SUN2: variants seen among roughly 807,000 people sequenced by gnomAD.
SUN2 encodes the protein Sad1 and UNC84 domain containing 2, also known as SUN domain-containing protein 2.
A neutral mutation model predicts 100.0 loss-of-function variants in SUN2; 60 were observed. The ratio of observed to expected loss-of-function variants is 0.60; its 90% CI spans 0.49 to 0.74. The LOEUF (loss-of-function observed/expected upper bound fraction) is 0.74, where lower values mean the gene tolerates loss of function less well. Ranked by LOEUF, SUN2 falls within the 30% of genes least tolerant of loss-of-function variation. The pLI, the probability that SUN2 is intolerant of heterozygous loss-of-function variation, is 0.00. For missense variants in SUN2, 834 were observed against 954.6 expected (o/e 0.87, Z 1.66); for synonymous variants, 367 against 403.3 (o/e 0.91, Z 1.08).
chr22:38,742,540 T>C lies in SUN2; in HGVS notation c.829A>G (p.Met277Val), dbSNP rs750687695. 3 of 1,611,698 alleles carry C rather than the reference T, an allele frequency of 1.9e-6. No homozygotes were observed. The highest frequency in any genetic ancestry group is 2.7e-5 in the African/African-American group (2 of 74,890). Residue 277 changes from methionine to valine, a missense_variant, in exon 9 of 18, where the codon ATG (methionine) becomes GTG (valine). Transcript: ENST00000689035. ...SPHFQAEQRV[M>V]SRVHSLERRL... ...CGCTCCAGAGAGTGTACCCGGGACATAACACGCTGCTCAGCCTGGAAGGGC... is the reference window on the plus strand; with the variant it reads ...CGCTCCAGAGAGTGTACCCGGGACACAACACGCTGCTCAGCCTGGAAGGGC...
chr22:38,740,690 C>A lies in SUN2; in HGVS notation c.1191-258G>T. 1.7e-6 allele frequency: 1 copy of A among 572,984 alleles called. No homozygotes were observed. The highest frequency in any genetic ancestry group is 2.3e-5 in the South Asian group (1 of 43,602). 35.5% of individuals were successfully genotyped at this position (572,984 alleles called of 1,614,324 possible). On this transcript the variant is annotated intron_variant, in intron 11 of 17. Transcript: ENST00000689035. This position sits in a 1 kb window ranked among gnomAD's most constrained non-coding sequence, Gnocchi z 4.8. Reference sequence around the variant, plus strand: ...TGTACTCTGCCTCAGCCTCTCACATCCTCCACAAGCATGGACATCTGGGGC... The same window carrying A: ...TGTACTCTGCCTCAGCCTCTCACATACTCCACAAGCATGGACATCTGGGGC...
chr22:38,754,783 T>C, intron 1 of SUN2: 1 of 1,286,104 alleles, frequency 7.8e-7, no homozygotes, highest in South Asian at 1.2e-5. Flanking sequence ...AATATTCTGA[T>C]GGAGGTTGAG....
Position 38,751,227 on chromosome 22 carries a change from T to C in SUN2, c.269A>G (p.His90Arg), listed in dbSNP as rs2092943342. ...FPPRSSLEEL[H>R]GDANWGEDLR... ...ACACTCACCCCAGTTGGCGTCACCA[T>C]GCAGTTCCTCCAGGGAGCTCCTGGG... Residue 90 changes from histidine to arginine, a missense_variant, in exon 3 of 18, where the codon CAT becomes CGT. Transcript: ENST00000689035. 6.2e-7 allele frequency: 1 copy of C among 1,613,162 alleles called. No homozygotes were observed. The highest frequency in any genetic ancestry group is 1.3e-5 in the African/African-American group (1 of 75,032).
chr22:38,747,692 C>A (rs564036045), intron 7 of SUN2, among the ~76,000 whole-genome samples: 1 of 152,138 alleles, frequency 6.6e-6, no homozygotes, highest in South Asian at 2.1e-4. Flanking sequence ...CCTGTAATCC[C>A]GACACTTTGG....
rs2092836529 is a variant in SUN2 at position 38,739,550 on chromosome 22, G to A, written c.1579-124C>T. ...TAGGCTTGCACTGTGCTGGTGCCCA[G>A]GCAGATGTGGGCACACTGCCACCCA... On this transcript the variant is annotated intron_variant, in intron 13 of 17. Coordinates refer to ENST00000689035, the MANE Select transcript of SUN2 (RefSeq NM_015374.3). The surrounding 1 kb of genome is among the most constrained non-coding windows in gnomAD (Gnocchi z 6.7). The A allele has an allele frequency of 7.7e-7, 1 of 1,302,962 alleles. No individual in the cohort carries two copies. Among genetic ancestry groups the A allele is most frequent in the Non-Finnish European group, 1.1e-6 (1 of 923,882 alleles). 80.7% of individuals were successfully genotyped at this position (1,302,962 alleles called of 1,614,324 possible).
rs1404213841 is a variant in SUN2, at chr22:38,738,165, T to C, written c.2040+8A>G. ...CGCCACTTCTGCTAGCACAGCAGCA[T>C]CCCGTACCTGAAAGTGAAACGTCTG... On this transcript the variant is annotated splice_region_variant and intron_variant, in intron 17 of 17. Coordinates refer to ENST00000689035, the MANE Select transcript of SUN2 (RefSeq NM_015374.3). This position sits in a 1 kb window ranked among gnomAD's most constrained non-coding sequence, Gnocchi z 6.6. 4 of 1,613,690 alleles carry C rather than the reference T, an allele frequency of 2.5e-6. No individual in the cohort carries two copies. The highest frequency in any genetic ancestry group is 2.7e-5 in the African/African-American group (2 of 75,032).
chr22:38,754,912 T>A (rs1200071612), intron 1 of SUN2: 2 of 1,289,314 alleles, frequency 1.6e-6, no homozygotes, highest in South Asian at 2.5e-5. Flanking sequence ...GAGTCTGGGT[T>A]TCACAAGATG....
intron 9 of SUN2, among the ~76,000 whole-genome samples, 186 bp downstream of exon 9, chr22:38,742,115 G>A (rs950149343): frequency 1.3e-5 from 2 of 151,724 alleles, no homozygotes; most frequent in Non-Finnish European, 2.9e-5. Flanking sequence ...TGCACTCCAG[G>A]CTGGGTGACA....
intron 8 of SUN2, among the ~76,000 whole-genome samples, chr22:38,744,290 A>C (rs990517779): frequency 6.9e-5 from 10 of 145,916 alleles, no homozygotes; most frequent in African/African-American, 2.6e-4. Context: ...AAAAAAAGTG[A>C]TACTATGCCA....
intron 5 of SUN2, among the ~76,000 whole-genome samples, 165 bp downstream of exon 5, chr22:38,750,060 C>T (rs1259445600): frequency 1.3e-5 from 2 of 152,152 alleles, no homozygotes; most frequent in Non-Finnish European, 2.9e-5. Flanking sequence ...CCCTTCCACG[C>T]AAGGGGGTCC....
rs748161325 is a variant in SUN2, at chr22:38,750,970, G to A, written c.352C>T (p.Leu118Phe). 5 of 1,613,894 alleles carry A rather than the reference G, an allele frequency of 3.1e-6. No individual in the cohort carries two copies. Among genetic ancestry groups the A allele is most frequent in the South Asian group, 1.1e-5 (1 of 91,078 alleles). ...GGSESSRASG[L>F]VGRKATEDFL... ...TCCTCGGTGGCCTTGCGCCCCACAAGCCCGCTGGCCCTGCTGCTCTCTGAG... is the reference window on the plus strand; with the variant it reads ...TCCTCGGTGGCCTTGCGCCCCACAAACCCGCTGGCCCTGCTGCTCTCTGAG... The change falls in exon 4 of 18, where the codon CTT becomes TTT. Residue 118 changes from leucine to phenylalanine, a missense_variant. Transcript: ENST00000689035.
chr22:38,745,661 A>C, intron 8 of SUN2, 23 bp downstream of exon 8: 1 of 1,612,022 alleles, frequency 6.2e-7, no homozygotes. Flanking sequence ...AGCTCTTGGG[A>C]GCTACCACCC....
rs766779250 is a variant in SUN2, at chr22:38,736,110, G to T, written c.*157C>A. On this transcript the variant is annotated 3_prime_UTR_variant, in exon 18 of 18. Transcript: ENST00000689035. ...TGCTAACCGCCTCGAGCCACCTGCT[G>T]CTCAGGAGACCCTGCCCGTCCTTTT... The T allele has an allele frequency of 5.4e-6, 4 of 741,306 alleles. No individual in the cohort carries two copies. Among genetic ancestry groups the T allele is most frequent in the Non-Finnish European group, 9.6e-6 (4 of 415,874 alleles). The allele number at this position is 741,306 out of a possible 1,614,324, so 45.9% of individuals were successfully genotyped here.
chr22:38,750,835 C>T lies in SUN2; in HGVS notation c.424+63G>A. The T allele has an allele frequency of 2.5e-6, 4 of 1,599,620 alleles. No individual in the cohort carries two copies. The South Asian group carries it at 4.4e-5, about 18-fold the overall frequency. On this transcript the variant is annotated intron_variant, in intron 4 of 17. Transcript: ENST00000689035. ...TCTCCAGCTCCCCGGGGCTCCCTGC[C>T]CAGCCTTCCTGAGGCCTCCCAGCAG... is the stretch of plus-strand genomic sequence containing the variant.
At position 38,755,929 on chromosome 22, in the gene SUN2, A is replaced by AGGCG. The variant is rs983082290; in HGVS notation, c.-208_-205dup. ...ACGCGAAGAGCGGCGACGCGGGACA[A>AGGCG]GGCGGGCGGGCGGACAATGCGGCCG... is the stretch of plus-strand genomic sequence containing the variant. On this transcript the variant is annotated 5_prime_UTR_variant, in exon 1 of 18. Transcript: ENST00000689035. This position sits in a 1 kb window ranked among gnomAD's most constrained non-coding sequence, Gnocchi z 5.7. 8.1e-6 allele frequency: 8 copies of AGGCG among 982,970 alleles called. No homozygotes were observed. The highest frequency in any genetic ancestry group is 9.6e-6 in the Non-Finnish European group (8 of 829,126). 60.9% of individuals were successfully genotyped at this position (982,970 alleles called of 1,614,324 possible). A position where few individuals can be genotyped will look rare whatever the true frequency, so the allele number is the denominator to read the frequency against.
At chr22:38,753,907 G>T (rs1278500969) in intron 1 of SUN2, among the ~76,000 whole-genome samples, 1 of 152,206 alleles carries the variant, frequency 6.6e-6, no homozygotes, top group African/African-American at 2.4e-5. Flanking sequence ...ATGTATTGAA[G>T]ATTCTAGTTG....
At chr22:38,745,019 C>T in intron 8 of SUN2, 1 of 471,124 alleles carries the variant, frequency 2.1e-6, no homozygotes, top group Non-Finnish European at 4.4e-6. Context: ...CTATTTCCCT[C>T]TCCTTGAATC....
rs989458365 is a variant in SUN2, at chr22:38,755,141, AC to A, written c.-38+621del. ...CACAAACATCTCCATCCATCTTCAG[AC>A]TTAAACCAGATCTGGGGCATCTTCC... is the stretch of plus-strand genomic sequence containing the variant. On this transcript the variant is annotated intron_variant, in intron 1 of 17. Transcript: ENST00000689035. The surrounding 1 kb of genome is among the most constrained non-coding windows in gnomAD (Gnocchi z 5.7). 3 of 1,032,638 alleles carry A rather than the reference AC, an allele frequency of 2.9e-6. No individual in the cohort carries two copies. The highest frequency in any genetic ancestry group is 3.6e-5 in the Admixed American group (1 of 28,166). The allele number at this position is 1,032,638 out of a possible 1,614,324, so 64.0% of individuals were successfully genotyped here. A position where few individuals can be genotyped will look rare whatever the true frequency, so the allele number is the denominator to read the frequency against.
Position 38,740,040 on chromosome 22 carries a change from G to T in SUN2, c.1357-97C>A. 1 of 1,400,526 alleles carries T rather than the reference G, an allele frequency of 7.1e-7. No individual in the cohort carries two copies. The highest frequency in any genetic ancestry group is 9.7e-7 in the Non-Finnish European group (1 of 1,027,936). The allele number at this position is 1,400,526 out of a possible 1,614,324, so 86.8% of individuals were successfully genotyped here. The stretch of plus-strand genomic sequence containing the variant: ...TGCTTAGCTGGATAGCAGGGATAGG[G>T]TAGGAGGGAGGCCACTGGAGGAAAG... On this transcript the variant is annotated intron_variant, in intron 12 of 17. Coordinates refer to ENST00000689035, the MANE Select transcript of SUN2 (RefSeq NM_015374.3). This position sits in a 1 kb window ranked among gnomAD's most constrained non-coding sequence, Gnocchi z 4.8.
Sources: allele counts gnomAD v4.1 joint callset (sites outside exome capture counted in the v4.1 genomes callset), GRCh38; gene constraint gnomAD v4.1.1; non-coding constraint Gnocchi (gnomAD v3.1); transcripts MANE v1.5; gene names NCBI Gene and HGNC (gene_info 2026-07-23, HGNC 2026-07-21).